TMC1: variants seen among roughly 807,000 people sequenced by gnomAD.
TMC1 encodes transmembrane channel-like protein 1.
A neutral mutation model predicts 105.8 loss-of-function variants in TMC1; 84 were observed. That is an observed-to-expected ratio of 0.79 (90% CI 0.67 to 0.95). The LOEUF is 0.95. Ranked by LOEUF, TMC1 falls within the 40% of genes least tolerant of loss-of-function variation. TMC1 has a pLI of 0.00. For missense variants in TMC1, 817 were observed against 914.1 expected, an observed-to-expected ratio of 0.89 and a Z score of 1.37; for synonymous variants, 315 against 311.5, an observed-to-expected ratio of 1.01 and a Z score of -0.12.
At chr9:72,565,990 G>A (rs539362171) in intron 1 of TMC1, among the ~76,000 whole-genome samples, 1 of 152,104 alleles carries the variant, frequency 6.6e-6, no homozygotes, top group Non-Finnish European at 1.5e-5. Context: ...GCATGTGCAC[G>A]TATATAAATT....
At chr9:72,630,663 T>C (rs1279828738) in intron 4 of TMC1, among the ~76,000 whole-genome samples, 1 of 152,220 alleles carries the variant, frequency 6.6e-6, no homozygotes, top group African/African-American at 2.4e-5. Context: ...TTTGTGTTTA[T>C]ATATGTCTGC....
At chr9:72,709,170 A>G (rs1004644491) in intron 8 of TMC1, among the ~76,000 whole-genome samples, 6 of 152,148 alleles carry the variant, frequency 3.9e-5, no homozygotes, top group African/African-American at 1.4e-4. Context: ...ACATTTATTT[A>G]CAAGTGTATG....
intron 17 of TMC1, among the ~76,000 whole-genome samples, chr9:72,793,340 C>T (rs538289103): frequency 1.3e-5 from 2 of 152,268 alleles, no homozygotes; most frequent in South Asian, 2.1e-4. Context: ...AGCCAGTTAC[C>T]GGTAGAAATG....
intron 5 of TMC1, among the ~76,000 whole-genome samples, chr9:72,662,299 G>T (rs1182944552): frequency 6.7e-6 from 1 of 150,354 alleles, no homozygotes; most frequent in Non-Finnish European, 1.5e-5. Flanking sequence ...CGATTCTCCT[G>T]CCTCAGCCTC....
intron 17 of TMC1, among the ~76,000 whole-genome samples, chr9:72,801,342 G>A (rs779815483): frequency 2.0e-5 from 3 of 152,088 alleles, no homozygotes; most frequent in South Asian, 2.1e-4. Context: ...AAATTTTTAC[G>A]TTTCATTCTG....
chr9:72,563,951 T>C (rs952233656), intron 1 of TMC1, among the ~76,000 whole-genome samples: 2 of 141,320 alleles, frequency 1.4e-5, no homozygotes, highest in Non-Finnish European at 3.1e-5. Context: ...GGAGGAGATA[T>C]AGGATTCCTA....
At chr9:72,542,043 G>T (rs910087847) in intron 1 of TMC1, among the ~76,000 whole-genome samples, 2 of 152,176 alleles carry the variant, frequency 1.3e-5, no homozygotes, top group African/African-American at 4.8e-5. Flanking sequence ...GACCTAAGAG[G>T]CCGGGCGTGG....
At chr9:72,655,769 C>A in intron 5 of TMC1, 1 of 533,198 alleles carries the variant, frequency 1.9e-6, no homozygotes, top group African/African-American at 1.9e-5. Flanking sequence ...CAAAAGATTA[C>A]TGATGCTTGT....
rs1828040593 is a variant in TMC1 at position 72,778,534 on chromosome 9, A to C, written c.884+5979A>C. ...TTGAACTGATAGGGGGAGCTGCTTGAAGAGTTGACAGGGACAGGACTGCAG... is the reference window on the plus strand; with the variant it reads ...TTGAACTGATAGGGGGAGCTGCTTGCAGAGTTGACAGGGACAGGACTGCAG... On this transcript the variant is annotated intron_variant, in intron 13 of 23. Transcript: ENST00000297784. Among the ~76,000 whole-genome samples the C allele has an allele frequency of 2.6e-5, 4 of 152,146 alleles. No homozygotes were observed. In the South Asian group the frequency reaches 8.3e-4, roughly 32 times the overall value.
At chr9:72,764,448 A>G (rs1827800741) in intron 12 of TMC1, among the ~76,000 whole-genome samples, 1 of 152,184 alleles carries the variant, frequency 6.6e-6, no homozygotes, top group African/African-American at 2.4e-5. Context: ...AAGAAATTAT[A>G]CATAAAAGCT....
chr9:72,810,333 G>C (rs1329768106), intron 18 of TMC1, among the ~76,000 whole-genome samples: 1 of 151,966 alleles, frequency 6.6e-6, no homozygotes, highest in African/African-American at 2.4e-5. Context: ...ATAAAATCAT[G>C]GTCCTTTCTA....
intron 13 of TMC1, among the ~76,000 whole-genome samples, chr9:72,785,916 T>G (rs1167634314): frequency 6.6e-6 from 1 of 152,218 alleles, no homozygotes; most frequent in Non-Finnish European, 1.5e-5. Context: ...CTTTTTCTTG[T>G]GTGGTCTTAT....
At chr9:72,573,784 TCTTTTATTTTAAA>T (rs1824327504) in intron 1 of TMC1, among the ~76,000 whole-genome samples, 1 of 152,260 alleles carries the variant, frequency 6.6e-6, no homozygotes, top group African/African-American at 2.4e-5. Flanking sequence ...CTGTCTTTTT[TCTTTTATTTTAAA>T]CTTTTATTTT....
intron 1 of TMC1, among the ~76,000 whole-genome samples, chr9:72,523,716 G>A (rs982401648): frequency 9.2e-5 from 14 of 151,958 alleles, no homozygotes; most frequent in African/African-American, 3.4e-4. Context: ...GGCAGGAAAG[G>A]CAGGCACACT....
chr9:72,727,840 T>C (rs892695589), intron 8 of TMC1, among the ~76,000 whole-genome samples: 2 of 152,090 alleles, frequency 1.3e-5, no homozygotes, highest in Non-Finnish European at 2.9e-5. Flanking sequence ...GTGTTGCTAA[T>C]AACATGCTCA....
chr9:72,637,409 C>T lies in TMC1; in HGVS notation c.-53+9346C>T, dbSNP rs117106865. On this transcript the variant is annotated intron_variant, in intron 4 of 23. Transcript: ENST00000297784. The stretch of plus-strand genomic sequence containing the variant: ...CCATGGCTCTCCCCTGTTTCCATCC[C>T]CAGTCGGTGGGTTTCCCACAGGTCT... Among the ~76,000 whole-genome samples the T allele has an allele frequency of 9.7e-3, 1,470 of 152,146 alleles. 12 individuals carry two copies. The highest frequency in any genetic ancestry group is 0.015 in the Non-Finnish European group (1,048 of 68,016).
chr9:72,667,266 G>A (rs962928713), intron 5 of TMC1, among the ~76,000 whole-genome samples: 5 of 152,022 alleles, frequency 3.3e-5, no homozygotes, highest in East Asian at 1.9e-4. Flanking sequence ...GTTGACTTTC[G>A]GGTTCAGTGA....
intron 2 of TMC1, among the ~76,000 whole-genome samples, chr9:72,590,845 C>A (rs191579794): frequency 1.3e-3 from 196 of 152,270 alleles, no homozygotes; most frequent in Middle Eastern, 3.4e-3. Flanking sequence ...TGTCCTGGAA[C>A]AACAGGCATA....
chr9:72,603,553 TG>T, intron 2 of TMC1, among the ~76,000 whole-genome samples: 1 of 149,654 alleles, frequency 6.7e-6, no homozygotes. Context: ...AGTTTAGTGT[TG>T]TTGTTGTTGT....
Sources: gnomAD v4.1 joint callset for allele counts (sites outside exome capture counted in the v4.1 genomes callset) on GRCh38, gnomAD v4.1.1 for gene constraint, MANE v1.5 for transcripts, NCBI Gene and HGNC (gene_info 2026-07-23, HGNC 2026-07-21) for gene names.